Variants in KSR1 observed in about 807,000 individuals in gnomAD.
The protein encoded by KSR1 is kinase suppressor of ras.
In KSR1, 35 loss-of-function variants were observed where a neutral mutation model predicts 92.9. The observed-to-expected ratio is 0.38, with a 90% CI of 0.29 to 0.50. KSR1 has a LOEUF of 0.50. Among genes scored for constraint, KSR1 ranks in the 20% least tolerant of loss-of-function variants. KSR1 has a pLI of 0.94. For missense variants in KSR1, 972 were observed against 1,158.5 expected (o/e 0.84, Z 2.34); for synonymous variants, 467 against 472.6 (o/e 0.99, Z 0.15).
intron 1 of KSR1, among the ~76,000 whole-genome samples, chr17:27,471,210 T>TTAAA (rs1169322526): frequency 6.6e-6 from 1 of 152,170 alleles, no homozygotes; most frequent in East Asian, 1.9e-4. Context: ...ATCAGGTTTG[T>TTAAA]TTTAGGCACT....
In KSR1 at chr17:27,583,715, A is replaced by G. The variant is rs182075861; in HGVS notation, c.980+610A>G. Among the ~76,000 whole-genome samples, 214 of 152,300 alleles carry G rather than the reference A, an allele frequency of 1.4e-3. 1 individual carries two copies. The highest frequency in any genetic ancestry group is 4.3e-3 in the African/African-American group (180 of 41,578). On this transcript the variant is annotated intron_variant, in intron 4 of 20. Transcript: ENST00000644974. ...CTCTGTCCCATGACTTGTTTTTTCA[A>G]CTTCCCTTGGTATCTCTGAGAACAT...
intron 1 of KSR1, among the ~76,000 whole-genome samples, chr17:27,487,242 C>G (rs1050905155): frequency 2.6e-5 from 4 of 152,100 alleles, no homozygotes; most frequent in Non-Finnish European, 5.9e-5. Flanking sequence ...GGATACCCGC[C>G]TGGCCAACAT....
At chr17:27,509,386 G>C (rs1258678358) in intron 1 of KSR1, among the ~76,000 whole-genome samples, 2 of 151,908 alleles carry the variant, frequency 1.3e-5, no homozygotes, top group Non-Finnish European at 2.9e-5. Context: ...TGCCTCCCGG[G>C]TTCACGCCAT....
At chr17:27,464,607 C>T (rs903603679) in intron 1 of KSR1, among the ~76,000 whole-genome samples, 6 of 151,804 alleles carry the variant, frequency 4.0e-5, no homozygotes, top group African/African-American at 1.5e-4. Flanking sequence ...GTTGTCCCAG[C>T]TACTACAGTG....
intron 15 of KSR1, among the ~76,000 whole-genome samples, 198 bp from the exon 16 acceptor site, chr17:27,608,986 ATCAGATCTCAGC>A (rs2073841717): frequency 6.6e-6 from 1 of 152,208 alleles, no homozygotes; most frequent in Admixed American, 6.5e-5. Context: ...CCGGTCTGGG[ATCAGATCTCAGC>A]TCTGCTTCTT....
chr17:27,478,373 C>T (rs2068407286), intron 1 of KSR1, among the ~76,000 whole-genome samples: 1 of 152,156 alleles, frequency 6.6e-6, no homozygotes, highest in Non-Finnish European at 1.5e-5. Context: ...GTTCCAGTTT[C>T]CTCATCTGAG....
chr17:27,533,386 TTC>T (rs1451034956), intron 1 of KSR1, among the ~76,000 whole-genome samples: 2 of 137,250 alleles, frequency 1.5e-5, no homozygotes, highest in African/African-American at 2.6e-5. Context: ...GATGCAACCA[TTC>T]TTTTTTTTTT....
At chr17:27,613,538 C>T (rs992119918) in intron 18 of KSR1, among the ~76,000 whole-genome samples, 8 of 152,368 alleles carry the variant, frequency 5.3e-5, no homozygotes, top group Non-Finnish European at 1.0e-4. Flanking sequence ...GGTGGCTCCA[C>T]CCTATTCCCC....
At chr17:27,508,991 A>C (rs1054179382) in intron 1 of KSR1, among the ~76,000 whole-genome samples, 2 of 151,980 alleles carry the variant, frequency 1.3e-5, no homozygotes, top group African/African-American at 4.8e-5. Context: ...TTGACCTCCC[A>C]AAGTGCTGGG....
In KSR1 at chr17:27,548,271, G is replaced by A. The variant is rs555423182; in HGVS notation, c.232-2297G>A. Among the ~76,000 whole-genome samples, 3 of 151,386 alleles carry A rather than the reference G, an allele frequency of 2.0e-5. No individual in the cohort carries two copies. In the South Asian group the frequency reaches 6.3e-4, roughly 32 times the overall value. Reference sequence around the variant, plus strand: ...GATAAAGATAAAAAAAGAAATAAATGAAAGTATTGTTCTTTGAAAGAGATC... The same window carrying A: ...GATAAAGATAAAAAAAGAAATAAATAAAAGTATTGTTCTTTGAAAGAGATC... On this transcript the variant is annotated intron_variant, in intron 1 of 20. Transcript: ENST00000644974.
At chr17:27,474,327 T>C (rs1161118884) in intron 1 of KSR1, among the ~76,000 whole-genome samples, 1 of 152,256 alleles carries the variant, frequency 6.6e-6, no homozygotes, top group Non-Finnish European at 1.5e-5. Flanking sequence ...ATGCTTATGT[T>C]CCAAAAGTCA....
intron 2 of KSR1, among the ~76,000 whole-genome samples, chr17:27,564,798 C>T (rs911162437): frequency 8.3e-6 from 1 of 120,690 alleles, no homozygotes. Context: ...GGAGGAAAGA[C>T]AGCCCTGATA....
At chr17:27,524,597 G>T (rs1037629683) in intron 1 of KSR1, among the ~76,000 whole-genome samples, 2 of 152,160 alleles carry the variant, frequency 1.3e-5, no homozygotes, top group Non-Finnish European at 2.9e-5. Context: ...CTCTGCAAAG[G>T]GGCTTGTAGA....
intron 1 of KSR1, among the ~76,000 whole-genome samples, chr17:27,486,290 T>G (rs533705384): frequency 6.6e-6 from 1 of 152,342 alleles, no homozygotes. Context: ...TGGCTCCGGG[T>G]ACCCACCGTT....
At chr17:27,457,478 T>G (rs1008976562) in intron 1 of KSR1, among the ~76,000 whole-genome samples, 1 of 152,174 alleles carries the variant, frequency 6.6e-6, no homozygotes, top group African/African-American at 2.4e-5. Context: ...GTATTAATAA[T>G]TACCCGCTGA....
intron 1 of KSR1, among the ~76,000 whole-genome samples, chr17:27,469,401 C>T (rs1039826069): frequency 2.0e-5 from 3 of 152,192 alleles, no homozygotes; most frequent in Non-Finnish European, 2.9e-5. Flanking sequence ...CTCCACAACA[C>T]AATCGTGATG....
intron 1 of KSR1, among the ~76,000 whole-genome samples, chr17:27,488,132 A>G (rs1473447333): frequency 6.6e-6 from 1 of 152,240 alleles, no homozygotes; most frequent in Non-Finnish European, 1.5e-5. Context: ...AAATGTGCAC[A>G]TGTGTTCCAG....
At chr17:27,598,566 C>T (rs1443577114) in intron 10 of KSR1, among the ~76,000 whole-genome samples, 1 of 152,228 alleles carries the variant, frequency 6.6e-6, no homozygotes, top group African/African-American at 2.4e-5. Context: ...CCCTCCCCTC[C>T]CTGCATTGAG....
At chr17:27,530,552 C>T (rs955198489) in intron 1 of KSR1, among the ~76,000 whole-genome samples, 2 of 152,148 alleles carry the variant, frequency 1.3e-5, no homozygotes, top group African/African-American at 2.4e-5. Flanking sequence ...CCAAATAGTA[C>T]GTCTACCGTG....
Sources: allele counts gnomAD v4.1 joint callset (sites outside exome capture counted in the v4.1 genomes callset), GRCh38; gene constraint gnomAD v4.1.1; transcripts MANE v1.5; gene names NCBI Gene and HGNC (gene_info 2026-07-23, HGNC 2026-07-21).